PTPRD: variants seen among roughly 807,000 people sequenced by gnomAD.
The protein encoded by PTPRD is receptor-type tyrosine-protein phosphatase delta.
Under a neutral mutation model 214.5 loss-of-function variants are expected in PTPRD, and 34 were observed. The ratio of observed to expected loss-of-function variants is 0.16; its 90% confidence interval spans 0.12 to 0.21. PTPRD has a LOEUF of 0.21. Ranked by LOEUF, PTPRD falls within the 10% of genes least tolerant of loss-of-function variation. The pLI is 1.00. For missense variants in PTPRD, 2,545 were observed against 2,398.7 expected, an observed-to-expected ratio of 1.06 and a Z score of -1.27; for synonymous variants, 1,128 against 845.7, an observed-to-expected ratio of 1.33 and a Z score of -5.79.
intron 10 of PTPRD, among the ~76,000 whole-genome samples, chr9:9,031,236 C>G (rs919338556): frequency 6.6e-6 from 1 of 151,678 alleles, no homozygotes; most frequent in Admixed American, 6.6e-5. Flanking sequence ...CTGAAAGGTC[C>G]TTGGCACCTA....
chr9:8,615,461 C>T (rs569402747), intron 14 of PTPRD, among the ~76,000 whole-genome samples: 1 of 152,120 alleles, frequency 6.6e-6, no homozygotes, highest in Non-Finnish European at 1.5e-5. Flanking sequence ...TTTCATTTGT[C>T]CTCTTAGGTG....
intron 5 of PTPRD, among the ~76,000 whole-genome samples, chr9:9,803,128 G>A (rs889036578): frequency 1.3e-5 from 2 of 151,562 alleles, no homozygotes; most frequent in Non-Finnish European, 2.9e-5. Context: ...AGACATGTAA[G>A]CATTACGCAA....
chr9:9,882,337 T>C (rs910742430), intron 5 of PTPRD, among the ~76,000 whole-genome samples: 1 of 152,078 alleles, frequency 6.6e-6, no homozygotes, highest in Non-Finnish European at 1.5e-5. Flanking sequence ...GGTTTTCCCA[T>C]CATTTTTGCT....
chr9:8,435,700 T>TACAC (rs3043782), intron 35 of PTPRD, among the ~76,000 whole-genome samples: 17,940 of 148,782 alleles, frequency 0.12, 1,483 homozygotes, highest in African/African-American at 0.24. Context: ...AATATCCAAA[T>TACAC]ACACACACAC....
At position 8,357,317 on chromosome 9, in the gene PTPRD, C is replaced by T. The variant is rs114671765; in HGVS notation, c.4662-15339G>A. On this transcript the variant is annotated intron_variant, in intron 39 of 45. Transcript: ENST00000381196. ...TAAAGCTATTCCCTCTGTTTGAAGA[C>T]AATGCCTCATTTTAGCAGCTCACCA... Among the ~76,000 whole-genome samples the T allele has an allele frequency of 9.1e-3, 1,379 of 152,288 alleles. 20 individuals carry two copies. The highest frequency in any genetic ancestry group is 0.03 in the African/African-American group (1,254 of 41,550).
chr9:8,902,632 A>G (rs10977346), intron 11 of PTPRD, among the ~76,000 whole-genome samples: 23,298 of 152,050 alleles, frequency 0.15, 2,223 homozygotes, highest in Non-Finnish European at 0.21. Flanking sequence ...GGCATGAGCC[A>G]CCACGCCCAG....
At chr9:9,843,771 A>T (rs1244711547) in intron 5 of PTPRD, among the ~76,000 whole-genome samples, 2 of 152,050 alleles carry the variant, frequency 1.3e-5, no homozygotes, top group Non-Finnish European at 2.9e-5. Context: ...TGCTGATTAA[A>T]TAATATTAAA....
intron 3 of PTPRD, among the ~76,000 whole-genome samples, chr9:10,119,005 T>C (rs915795165): frequency 3.1e-4 from 47 of 151,728 alleles, no homozygotes; most frequent in African/African-American, 1.1e-3. Flanking sequence ...ATTTAGAAAA[T>C]AGTAAAACAA....
intron 7 of PTPRD, among the ~76,000 whole-genome samples, chr9:9,655,264 A>G (rs980155375): frequency 1.3e-5 from 2 of 152,160 alleles, no homozygotes; most frequent in African/African-American, 4.8e-5. Flanking sequence ...CAATAAGAAA[A>G]CAATCTGATT....
At chr9:10,197,843 G>A (rs1302662868) in intron 3 of PTPRD, among the ~76,000 whole-genome samples, 1 of 152,056 alleles carries the variant, frequency 6.6e-6, no homozygotes. Flanking sequence ...AGTAAGTAGA[G>A]CAAGAACAAG....
At chr9:8,874,511 C>G (rs74952756) in intron 11 of PTPRD, among the ~76,000 whole-genome samples, 7,260 of 152,228 alleles carry the variant, frequency 0.048, 267 homozygotes, top group Non-Finnish European at 0.069. Context: ...TCTCTTCACT[C>G]TGCACCTCCC....
At chr9:8,829,738 A>G (rs2097251612) in intron 11 of PTPRD, among the ~76,000 whole-genome samples, 1 of 152,194 alleles carries the variant, frequency 6.6e-6, no homozygotes, top group Non-Finnish European at 1.5e-5. Context: ...GAACAATGAA[A>G]CAACCATAGA....
intron 3 of PTPRD, among the ~76,000 whole-genome samples, chr9:10,142,542 C>T (rs2098993512): frequency 6.6e-6 from 1 of 152,016 alleles, no homozygotes; most frequent in Non-Finnish European, 1.5e-5. Context: ...CATCACTAGC[C>T]ATCAGAGAAA....
intron 7 of PTPRD, among the ~76,000 whole-genome samples, chr9:9,604,993 CAACTGTGAAATATATGCTCATA>C (rs1288196201): frequency 6.6e-6 from 1 of 151,982 alleles, no homozygotes; most frequent in Non-Finnish European, 1.5e-5. Context: ...AGCTTATTCT[CAACTGTGAAATATATGCTCATA>C]AACTCAGATT....
At chr9:10,048,536 T>G (rs2097451628) in intron 3 of PTPRD, among the ~76,000 whole-genome samples, 1 of 152,112 alleles carries the variant, frequency 6.6e-6, no homozygotes, top group Non-Finnish European at 1.5e-5. Context: ...ATTACATATC[T>G]TTAATCCCTA....
At position 9,637,429 on chromosome 9, in the gene PTPRD, G is replaced by A. The variant is rs555667874; in HGVS notation, c.-286-62648C>T. Among the ~76,000 whole-genome samples, 2 of 152,306 alleles carry A rather than the reference G, an allele frequency of 1.3e-5. 1 individual carries two copies. Among genetic ancestry groups the A allele is most frequent in the South Asian group, 4.1e-4 (2 of 4,832 alleles). On this transcript the variant is annotated intron_variant, in intron 7 of 45. Transcript: ENST00000381196. ...ATATACATTCCAATTCCAAAAGGGA[G>A]CAATAGAAAAGAAGGAAGGAGTAAT... is the stretch of plus-strand genomic sequence containing the variant.
At chr9:9,126,410 T>C (rs762133280) in intron 10 of PTPRD, among the ~76,000 whole-genome samples, 1 of 152,196 alleles carries the variant, frequency 6.6e-6, no homozygotes, top group Non-Finnish European at 1.5e-5. Context: ...ATATCAAGGA[T>C]AGCTTTTTAG....
chr9:9,623,479 G>A (rs1187814342), intron 7 of PTPRD, among the ~76,000 whole-genome samples: 1 of 152,104 alleles, frequency 6.6e-6, no homozygotes, highest in Admixed American at 6.5e-5. Context: ...TACTTGACAG[G>A]CACTCACTGA....
chr9:10,374,550 G>T (rs1285683323), intron 2 of PTPRD, among the ~76,000 whole-genome samples: 1 of 151,910 alleles, frequency 6.6e-6, no homozygotes. Context: ...GATGCCTCAG[G>T]AACCCACAGA....
Sources: gnomAD v4.1 joint callset for allele counts (sites outside exome capture counted in the v4.1 genomes callset) on GRCh38, gnomAD v4.1.1 for gene constraint, MANE v1.5 for transcripts, NCBI Gene and HGNC (gene_info 2026-07-23, HGNC 2026-07-21) for gene names.